The following MCPH1 variants were observed in gnomAD, a reference collection of about 807,000 sequenced individuals.
MCPH1 encodes microcephalin 1.
A neutral mutation model predicts 84.5 loss-of-function variants in MCPH1; 104 were observed. The observed-to-expected ratio is 1.23, with a 90% CI of 1.05 to 1.45. MCPH1 has a LOEUF of 1.45. Ranked by LOEUF, MCPH1 falls within the 40% of genes most tolerant of loss-of-function variation. MCPH1 has a pLI of 0.00. For missense variants in MCPH1, 1,498 were observed against 1,005.7 expected (o/e 1.49, Z -6.62); for synonymous variants, 514 against 366.8 (o/e 1.40, Z -4.58).
intron 12 of MCPH1, among the ~76,000 whole-genome samples, chr8:6,537,254 G>T (rs111848150): frequency 1.6e-4 from 24 of 152,108 alleles, no homozygotes; most frequent in Non-Finnish European, 3.2e-4. Context: ...AGGCACACGT[G>T]TCTGAATAGG....
At chr8:6,458,471 CA>C (rs544975666) in intron 9 of MCPH1, among the ~76,000 whole-genome samples, 33,994 of 86,578 alleles carry the variant, frequency 0.39, 5,297 homozygotes, top group African/African-American at 0.58. Context: ...GACTCCTTCT[CA>C]AAAAAAAAAA....
intron 13 of MCPH1, 45 bp downstream of exon 13, chr8:6,621,736 T>A: frequency 1.2e-6 from 2 of 1,613,182 alleles, no homozygotes; most frequent in Non-Finnish European, 1.7e-6. Flanking sequence ...TCCAGATCTG[T>A]GGACAGGTTT....
At chr8:6,540,899 T>A (rs1243836300) in intron 12 of MCPH1, among the ~76,000 whole-genome samples, 1 of 152,180 alleles carries the variant, frequency 6.6e-6, no homozygotes, top group East Asian at 1.9e-4. Flanking sequence ...CCCCACAGGA[T>A]CTCCCAAGGA....
intron 12 of MCPH1, among the ~76,000 whole-genome samples, chr8:6,528,597 C>A (rs1461689529): frequency 6.6e-6 from 1 of 152,212 alleles, no homozygotes; most frequent in Non-Finnish European, 1.5e-5. Flanking sequence ...GCCGTGCGGG[C>A]CTTTGTGAGC....
At chr8:6,506,419 C>A (rs1044806635) in intron 12 of MCPH1, among the ~76,000 whole-genome samples, 1 of 152,114 alleles carries the variant, frequency 6.6e-6, no homozygotes, top group Non-Finnish European at 1.5e-5. Context: ...GTCCCTAAAT[C>A]TTGATTTGCC....
rs550809067 is a variant in MCPH1, at chr8:6,624,221, G to A, written c.2452+2530G>A. 5.9e-5 allele frequency among the ~76,000 whole-genome samples: 9 copies of A among 152,350 alleles called. 1 individual carries two copies. The highest frequency in any genetic ancestry group is 2.2e-4 in the African/African-American group (9 of 41,576). Reference sequence around the variant, plus strand: ...CCCTTCAGAGTTCTCTGACTTCCAGGCCTGGGCCACAGGCCCCAGCCTCTT... The same window carrying A: ...CCCTTCAGAGTTCTCTGACTTCCAGACCTGGGCCACAGGCCCCAGCCTCTT... On this transcript the variant is annotated intron_variant, in intron 13 of 13. Coordinates refer to ENST00000344683, the MANE Select transcript of MCPH1 (RefSeq NM_024596.5).
intron 13 of MCPH1, among the ~76,000 whole-genome samples, chr8:6,622,478 G>C (rs1831558785): frequency 6.6e-6 from 1 of 152,252 alleles, no homozygotes; most frequent in South Asian, 2.1e-4. Flanking sequence ...GGAGTCATAT[G>C]TGGCGGGACA....
In MCPH1 at chr8:6,480,698, TC is replaced by T. The variant is rs1809102935; in HGVS notation, c.1974-11del. On this transcript the variant is annotated splice_polypyrimidine_tract_variant and intron_variant, in intron 10 of 13. Transcript: ENST00000344683. ...CAAAGTCATTCATTTTGTTAATTTT[TC>T]CCCCGATTTGACAGAAAGCAGAATG... The T allele has an allele frequency of 1.2e-6, 2 of 1,614,106 alleles. No homozygotes were observed. The highest frequency in any genetic ancestry group is 8.5e-7 in the Non-Finnish European group (1 of 1,179,992).
intron 12 of MCPH1, among the ~76,000 whole-genome samples, chr8:6,612,710 G>C (rs574094286): frequency 1.3e-5 from 2 of 152,172 alleles, no homozygotes; most frequent in Non-Finnish European, 2.9e-5. Context: ...TCACATCGCC[G>C]CTTCACCTGC....
chr8:6,568,888 G>C (rs1026783888), intron 12 of MCPH1, among the ~76,000 whole-genome samples: 1 of 152,206 alleles, frequency 6.6e-6, no homozygotes, highest in African/African-American at 2.4e-5. Flanking sequence ...TTTTTGGAAA[G>C]TGCCTTGTTG....
intron 12 of MCPH1, among the ~76,000 whole-genome samples, chr8:6,542,314 CTG>C (rs373716411): frequency 6.6e-6 from 1 of 150,652 alleles, no homozygotes; most frequent in Non-Finnish European, 1.5e-5. Context: ...GTGTGTGTAT[CTG>C]TGTGTGTGTG....
rs55993401 is a variant in MCPH1, at chr8:6,533,806, G to C, written c.2214+33877G>C. Among the ~76,000 whole-genome samples, 20 of 152,078 alleles carry C rather than the reference G, an allele frequency of 1.3e-4. 1 individual carries two copies. Among genetic ancestry groups the C allele is most frequent in the Admixed American group, 1.3e-3 (20 of 15,252 alleles). On this transcript the variant is annotated intron_variant, in intron 12 of 13. Transcript: ENST00000344683. ...AAACCATTCGTGGAGTCAGTCATCAGACATGATTTCCCCCAAAATGTTAAC... is the reference window on the plus strand; with the variant it reads ...AAACCATTCGTGGAGTCAGTCATCACACATGATTTCCCCCAAAATGTTAAC...
intron 12 of MCPH1, chr8:6,508,684 C>G (rs918561933): frequency 1.7e-6 from 1 of 601,912 alleles, no homozygotes; most frequent in African/African-American, 1.9e-5. Context: ...TATCCCCTCT[C>G]CTTGCCAGGG....
chr8:6,445,047 T>A lies in MCPH1; in HGVS notation c.1325T>A (p.Leu442Ter). ...CAGCTGCCATCAAGCCCTGCTCAGT[T>A]GAGCTGCAGAAGTCTTTCTAAGAAG... ...ESQLPSSPAQ[L>*]SCRSLSKKER... is the part of the protein sequence containing the mutation. Residue 442 changes from leucine (L) to a stop codon, truncating the protein, a stop_gained, in exon 8 of 14, where the codon TTG becomes TAG. Coordinates refer to ENST00000344683, the MANE Select transcript of MCPH1 (RefSeq NM_024596.5). LOFTEE classifies it high-confidence loss of function. 1 of 1,614,234 alleles carries A rather than the reference T, an allele frequency of 6.2e-7. No homozygotes were observed. The highest frequency in any genetic ancestry group is 8.5e-7 in the Non-Finnish European group (1 of 1,180,042).
intron 9 of MCPH1, among the ~76,000 whole-genome samples, chr8:6,460,086 C>CGTCCT (rs1353582347): frequency 4.0e-5 from 6 of 151,632 alleles, no homozygotes; most frequent in African/African-American, 1.5e-4. Flanking sequence ...AGTCACAGGC[C>CGTCCT]GTCCTGTCTT....
chr8:6,588,018 A>T (rs1211897749), intron 12 of MCPH1, among the ~76,000 whole-genome samples: 1 of 152,216 alleles, frequency 6.6e-6, no homozygotes, highest in Non-Finnish European at 1.5e-5. Context: ...GTCTGAAGTC[A>T]GCTTCCCATC....
intron 12 of MCPH1, among the ~76,000 whole-genome samples, chr8:6,598,616 C>A (rs1829109818): frequency 6.6e-6 from 1 of 152,234 alleles, no homozygotes; most frequent in South Asian, 2.1e-4. Flanking sequence ...AAGGTAAACA[C>A]CATTTCCCCC....
chr8:6,524,268 G>A (rs1340531375), intron 12 of MCPH1, among the ~76,000 whole-genome samples: 1 of 152,112 alleles, frequency 6.6e-6, no homozygotes, highest in Non-Finnish European at 1.5e-5. Context: ...GCATCTTTAT[G>A]TTTCAGAATT....
chr8:6,573,826 A>G (rs967140257), intron 12 of MCPH1, among the ~76,000 whole-genome samples: 1 of 152,206 alleles, frequency 6.6e-6, no homozygotes, highest in African/African-American at 2.4e-5. Context: ...CCCATCCCTG[A>G]GAATTTAACT....
Sources: allele counts gnomAD v4.1 joint callset (sites outside exome capture counted in the v4.1 genomes callset), GRCh38; gene constraint gnomAD v4.1.1; transcripts MANE v1.5; gene names NCBI Gene and HGNC (gene_info 2026-07-23, HGNC 2026-07-21).